Variants in NUP205 observed in about 807,000 individuals in gnomAD.
NUP205 encodes nucleoporin 205.
Under a neutral mutation model 253.8 loss-of-function variants are expected in NUP205, and 76 were observed. That is an observed-to-expected ratio of 0.30 (90% CI 0.25 to 0.36). The LOEUF is 0.36. Among genes scored for constraint, NUP205 ranks in the 10% least tolerant of loss-of-function variants. The pLI is 1.00. For missense variants in NUP205, 2,162 were observed against 2,425.5 expected (o/e 0.89, Z 2.28); for synonymous variants, 832 against 850.1 (o/e 0.98, Z 0.37).
intron 15 of NUP205, 125 bp from the exon 16 acceptor site, chr7:135,600,745 G>A (rs1274856520): frequency 2.0e-6 from 1 of 507,998 alleles, no homozygotes; most frequent in Non-Finnish European, 3.5e-6. Flanking sequence ...CTTAGCGTAA[G>A]TGAATAAAGT....
At chr7:135,592,852 A>C (rs1435745325) in intron 11 of NUP205, 135 bp from the exon 12 acceptor site, 3 of 663,488 alleles carry the variant, frequency 4.5e-6, no homozygotes, top group African/African-American at 3.6e-5. Flanking sequence ...GCCCCTCTGC[A>C]CTCCAGCCTG....
In NUP205 at chr7:135,577,116, A is replaced by G; in HGVS notation, c.636A>G (p.Lys212=). ...LQRERGLGSE[K]HRKEVSDLIK... is the part of the protein sequence containing the mutation. ...GAGAGAGAGGTTTGGGCAGTGAAAA[A>G]CATCGCAAAGAGGCAAGGGTTCAAT... Residue 212 remains lysine (K), a synonymous_variant, in exon 5 of 43, where the codon AAA becomes AAG. Transcript: ENST00000285968. 2 of 1,610,868 alleles carry G rather than the reference A, an allele frequency of 1.2e-6. No individual in the cohort carries two copies. The highest frequency in any genetic ancestry group is 8.5e-7 in the Non-Finnish European group (1 of 1,179,102).
chr7:135,560,382 G>A (rs969591701), intron 1 of NUP205, among the ~76,000 whole-genome samples: 1 of 152,206 alleles, frequency 6.6e-6, no homozygotes, highest in Non-Finnish European at 1.5e-5. Context: ...GCCAACAGCA[G>A]CAAAGAGTGT....
rs138299701 is a variant in NUP205 at position 135,645,464 on chromosome 7, A to G, written c.5684-4A>G. The G allele has an allele frequency of 1.4e-4, 232 of 1,612,490 alleles. 1 individual carries two copies. The African/African-American group carries it at 2.9e-3, about 20-fold the overall frequency. ...ATGTTCCTTTAATCTGAGCTCTGGT[A>G]TAGTTATCATAGAGACCTGCCTATT... On this transcript the variant is annotated splice_polypyrimidine_tract_variant and splice_region_variant and intron_variant, in intron 40 of 42. Coordinates refer to ENST00000285968, the MANE Select transcript of NUP205 (RefSeq NM_015135.3).
At chr7:135,581,834 C>CA (rs1378859306) in intron 7 of NUP205, among the ~76,000 whole-genome samples, 1 of 150,608 alleles carries the variant, frequency 6.6e-6, no homozygotes, top group Non-Finnish European at 1.5e-5. Flanking sequence ...GCCTGGGTGA[C>CA]AGAGTGAAAC....
intron 4 of NUP205, among the ~76,000 whole-genome samples, 158 bp from the exon 5 acceptor site, chr7:135,576,811 C>T (rs1806163957): frequency 6.6e-6 from 1 of 152,024 alleles, no homozygotes; most frequent in South Asian, 2.1e-4. Flanking sequence ...GAGCCTGGGA[C>T]GTCAAGGCTG....
chr7:135,614,068 C>A (rs2129491138), intron 22 of NUP205, 91 bp from the exon 23 acceptor site: 2 of 668,998 alleles, frequency 3.0e-6, no homozygotes, highest in Non-Finnish European at 5.2e-6. Flanking sequence ...CCTAGTTTTT[C>A]ACTTAGTAGG....
chr7:135,570,761 T>TATTATATATTA (rs1805957308), intron 1 of NUP205, among the ~76,000 whole-genome samples: 1 of 89,768 alleles, frequency 1.1e-5, no homozygotes, highest in Non-Finnish European at 2.1e-5. Flanking sequence ...TATATTTATA[T>TATTATATATTA]ATTATATTAA....
intron 1 of NUP205, among the ~76,000 whole-genome samples, chr7:135,569,981 T>C (rs903085141): frequency 3.3e-5 from 5 of 150,128 alleles, no homozygotes; most frequent in Admixed American, 2.0e-4. Flanking sequence ...CCTTAGTTTA[T>C]CTCATTTGAA....
rs765921159 is a variant in NUP205, at chr7:135,606,824, C to G, written c.2979C>G (p.Thr993=). 22 of 1,613,198 alleles carry G rather than the reference C, an allele frequency of 1.4e-5. No individual in the cohort carries two copies. The highest frequency in any genetic ancestry group is 1.8e-5 in the Non-Finnish European group (21 of 1,179,348). The change falls in exon 21 of 43, where the codon ACC becomes ACG. Residue 993 remains threonine, a synonymous_variant. Coordinates refer to ENST00000285968, the MANE Select transcript of NUP205 (RefSeq NM_015135.3). ...TRIHILNLLI[T]SLECNPPNLA... ...TCCACATCTTGAATCTTCTCATTAC[C>G]TCTCTGGAATGCAATCCACCCAATC...
Position 135,648,666 on chromosome 7 carries a change from T to C in NUP205, c.*110T>C. ...GACCAAAAATATTTTGCTATTTCTT[T>C]CTTTGTATATGGACATCTTTTCTGT... is the stretch of plus-strand genomic sequence containing the variant. On this transcript the variant is annotated 3_prime_UTR_variant, in exon 43 of 43. Coordinates refer to ENST00000285968, the MANE Select transcript of NUP205 (RefSeq NM_015135.3). The C allele has an allele frequency of 1.2e-6, 1 of 809,550 alleles. No individual in the cohort carries two copies. The highest frequency in any genetic ancestry group is 3.0e-5 in the East Asian group (1 of 33,514). 50.1% of individuals were successfully genotyped at this position (809,550 alleles called of 1,614,324 possible).
chr7:135,628,254 C>T (rs1563135566), intron 34 of NUP205, 143 bp downstream of exon 34: 1 of 646,706 alleles, frequency 1.5e-6, no homozygotes, highest in East Asian at 2.9e-5. Context: ...AAAGAGGCCC[C>T]TGTACTTTGT....
At chr7:135,570,058 G>T (rs925950381) in intron 1 of NUP205, among the ~76,000 whole-genome samples, 6,892 of 104,148 alleles carry the variant, frequency 0.066, 155 homozygotes, top group Non-Finnish European at 0.094. Flanking sequence ...TATATAGAGA[G>T]AGAGAGAGAG....
intron 34 of NUP205, among the ~76,000 whole-genome samples, chr7:135,628,327 G>C (rs1794637114): frequency 1.3e-5 from 2 of 151,986 alleles, no homozygotes. Flanking sequence ...CTAATTAATA[G>C]AATCATAAGA....
At chr7:135,619,939 TA>T in intron 30 of NUP205, 51 bp downstream of exon 30, 1 of 1,186,564 alleles carries the variant, frequency 8.4e-7, no homozygotes, top group East Asian at 2.3e-5. Flanking sequence ...ATGGTTACTT[TA>T]AATTGAAAAA....
chr7:135,568,316 TG>T lies in NUP205; in HGVS notation c.29-2788del, dbSNP rs200868692. Among the ~76,000 whole-genome samples, 983 of 151,366 alleles carry T rather than the reference TG, an allele frequency of 6.5e-3. 9 individuals are homozygous for T. The highest frequency in any genetic ancestry group is 0.011 in the Non-Finnish European group (743 of 67,900). On this transcript the variant is annotated intron_variant, in intron 1 of 42. Transcript: ENST00000285968. Reference sequence around the variant, plus strand: ...ATCATAGGGCATTGAATATAATAAATGAATTAATTTTAGTTTTTTATTGTTG... The same window carrying T: ...ATCATAGGGCATTGAATATAATAAATAATTAATTTTAGTTTTTTATTGTTG...
intron 40 of NUP205, 54 bp from the exon 41 acceptor site, chr7:135,645,414 T>G (rs1015733250): frequency 3.2e-6 from 5 of 1,569,874 alleles, no homozygotes; most frequent in Middle Eastern, 1.7e-4. Context: ...CCGAAACTGG[T>G]GTGTAAAACA....
Position 135,630,430 on chromosome 7 carries a change from G to A in NUP205, c.5019G>A (p.Leu1673=), listed in dbSNP as rs200809620. Residue 1673 remains leucine, a synonymous_variant, in exon 35 of 43, where the codon TTG becomes TTA. Transcript: ENST00000285968. Reference sequence around the variant, plus strand: ...TTAGTGCTGGGTCTTTGCAGGAATTGGCTCTGCTGACAGGAATTATAAGTA... The same window carrying A: ...TTAGTGCTGGGTCTTTGCAGGAATTAGCTCTGCTGACAGGAATTATAAGTA... ...QDVSAGSLQE[L]ALLTGIISKA... 1 of 1,610,574 alleles carries A rather than the reference G, an allele frequency of 6.2e-7. No individual in the cohort carries two copies. The highest frequency in any genetic ancestry group is 1.7e-5 in the Admixed American group (1 of 59,704).
At chr7:135,605,621 G>A (rs914757696) in intron 19 of NUP205, among the ~76,000 whole-genome samples, 2 of 140,660 alleles carry the variant, frequency 1.4e-5, no homozygotes, top group African/African-American at 5.9e-5. Flanking sequence ...TGATAATCAG[G>A]GGATGCTGAA....
Sources: gnomAD v4.1 joint callset for allele counts (sites outside exome capture counted in the v4.1 genomes callset) on GRCh38, gnomAD v4.1.1 for gene constraint, MANE v1.5 for transcripts, NCBI Gene and HGNC (gene_info 2026-07-23, HGNC 2026-07-21) for gene names.